The following REPS2 variants were observed in gnomAD, a reference collection of about 807,000 sequenced individuals.
REPS2 encodes ralBP1-associated Eps domain-containing protein 2.
In REPS2, 23 loss-of-function variants were observed where a neutral mutation model predicts 53.6. That is an observed-to-expected ratio of 0.43 (90% confidence interval 0.31 to 0.61). The LOEUF is 0.61. Among genes scored for constraint, REPS2 ranks in the 20% least tolerant of loss-of-function variants. The probability of loss-of-function intolerance (pLI) is 0.11; values close to 1 mark genes in which losing one functional copy is unlikely to be tolerated. For synonymous variants in REPS2, 238 were observed against 218.6 expected (o/e 1.09, Z -0.78); for missense variants, 446 against 534.9 (o/e 0.83, Z 1.64).
At chrX:17,133,982 C>T in intron 15 of REPS2, 75 bp downstream of exon 15, 1 of 744,218 alleles carries the variant, frequency 1.3e-6, no homozygotes, top group Admixed American at 2.3e-5. Flanking sequence ...ATTAGCTGAT[C>T]TATTGTTTTA....
At chrX:16,965,649 C>T (rs1248973172) in intron 1 of REPS2, among the ~76,000 whole-genome samples, 1 of 112,672 alleles carries the variant, frequency 8.9e-6, no homozygotes, top group Non-Finnish European at 1.9e-5. Context: ...AGAGACGCTC[C>T]TCACTTCCCA....
chrX:17,060,748 G>A (rs2062148257), intron 8 of REPS2, among the ~76,000 whole-genome samples: 1 of 111,179 alleles, frequency 9.0e-6, no homozygotes, highest in South Asian at 3.8e-4. Flanking sequence ...CAGAACCGGG[G>A]TAGAGAGGCT....
chrX:16,969,091 C>T (rs1242411236), intron 1 of REPS2, among the ~76,000 whole-genome samples: 4 of 106,755 alleles, frequency 3.7e-5, no homozygotes, highest in East Asian at 3.0e-4. Context: ...CCGGATGGGG[C>T]GGCAGGGCAG....
At chrX:17,133,613 A>G (rs1398709774) in intron 14 of REPS2, among the ~76,000 whole-genome samples, 1 of 111,442 alleles carries the variant, frequency 9.0e-6, no homozygotes, top group Non-Finnish European at 1.9e-5. Flanking sequence ...TCCTTTTCCT[A>G]AGGTTGAACA....
chrX:17,046,071 C>T (rs888530107), intron 5 of REPS2, among the ~76,000 whole-genome samples: 7 of 110,330 alleles, frequency 6.3e-5, no homozygotes, highest in Middle Eastern at 4.7e-3. Flanking sequence ...AAGCAGGCAC[C>T]TTGATGGCTC....
chrX:17,099,922 A>C (rs1603016130), intron 13 of REPS2: 4 of 1,098,084 alleles, frequency 3.6e-6, no homozygotes. Flanking sequence ...TTCATCAGGA[A>C]CATGAGCTCT....
chrX:17,018,111 C>T (rs767106360), intron 2 of REPS2, among the ~76,000 whole-genome samples: 3 of 111,120 alleles, frequency 2.7e-5, no homozygotes, highest in Admixed American at 9.6e-5. Flanking sequence ...TGTTGGGTAA[C>T]TAGTTTCTAG....
At chrX:17,128,419 G>A (rs892607869) in intron 14 of REPS2, among the ~76,000 whole-genome samples, 1 of 110,352 alleles carries the variant, frequency 9.1e-6, no homozygotes, top group Non-Finnish European at 1.9e-5. Flanking sequence ...GGGGTGGGAG[G>A]TAGGCTCCCA....
chrX:17,189,644 C>T, the REPS2 span, among the ~76,000 whole-genome samples: 1 of 103,444 alleles, frequency 9.7e-6, no homozygotes, highest in Non-Finnish European at 2.0e-5. Context: ...ATTTTCCTCT[C>T]TCTCCTCTCT....
chrX:17,011,463 G>T (rs1257822328), intron 2 of REPS2, among the ~76,000 whole-genome samples: 9 of 111,771 alleles, frequency 8.1e-5, no homozygotes, highest in African/African-American at 1.6e-4. Flanking sequence ...CTAGAGTAGG[G>T]TTTCTCATCA....
Position 17,149,218 on chromosome X carries a change from C to T in REPS2, c.*1737C>T. 1 of 221,752 alleles carries T rather than the reference C, an allele frequency of 4.5e-6. No homozygotes were observed. The highest frequency in any genetic ancestry group is 8.4e-6 in the Non-Finnish European group (1 of 119,408). The allele number at this position is 221,752 out of a possible 1,213,427, so 18.3% of individuals were successfully genotyped here. A position where few individuals can be genotyped will look rare whatever the true frequency, so the allele number is the denominator to read the frequency against. On this transcript the variant is annotated 3_prime_UTR_variant, in exon 18 of 18. Coordinates refer to ENST00000357277, the MANE Select transcript of REPS2 (RefSeq NM_004726.3). ...GGTTGGGAGTAAGTTTAAACTCTTC[C>T]GAAGATTATGAATGGGTCAGCACAA...
intron 1 of REPS2, among the ~76,000 whole-genome samples, chrX:16,983,491 ATTTTGTTTTG>A (rs755219921): frequency 1.8e-5 from 2 of 111,653 alleles, no homozygotes; most frequent in East Asian, 2.8e-4. Flanking sequence ...CCTTACCTCC[ATTTTGTTTTG>A]TTTTGTTTTG....
chrX:17,129,263 A>G (rs2063260560), intron 14 of REPS2, among the ~76,000 whole-genome samples: 1 of 112,432 alleles, frequency 8.9e-6, no homozygotes, highest in Non-Finnish European at 1.9e-5. Context: ...TCTGCTTTCC[A>G]CATCCCAAGC....
rs1569079259 is a variant in REPS2, at chrX:16,946,762, C to CGGTGGT, written c.-98_-97insTGGTGG. 24 of 750,485 alleles carry CGGTGGT rather than the reference C, an allele frequency of 3.2e-5. No homozygotes were observed. Among genetic ancestry groups the CGGTGGT allele is most frequent in the African/African-American group, 4.9e-5 (2 of 40,920 alleles). 61.8% of individuals were successfully genotyped at this position (750,485 alleles called of 1,213,427 possible). ...GTGGCGGCGGCGGTGGTGGCGGCGG[C>CGGTGGT]GGCGGCGGCGGCAGCTGAGGCCGAG... On this transcript the variant is annotated 5_prime_UTR_variant, in exon 1 of 18. Coordinates refer to ENST00000357277, the MANE Select transcript of REPS2 (RefSeq NM_004726.3).
rs769478604 is a variant in REPS2 at position 17,151,752 on chromosome X, G to A, written c.*4271G>A. On this transcript the variant is annotated 3_prime_UTR_variant, in exon 18 of 18. Transcript: ENST00000357277. ...GAGGTGTTTTCCCACTGTGTTTAAA[G>A]AGAACACTAGTAATTCTGGTTTTTC... 7 of 112,422 alleles carry A rather than the reference G, an allele frequency of 6.2e-5. No homozygotes were observed. Among genetic ancestry groups the A allele is most frequent in the Non-Finnish European group, 1.3e-4 (7 of 53,248 alleles). The allele number at this position is 112,422 out of a possible 1,213,427, so 9.3% of individuals were successfully genotyped here. A position where few individuals can be genotyped will look rare whatever the true frequency, so the allele number is the denominator to read the frequency against.
At chrX:16,995,613 C>A (rs2061224922) in intron 1 of REPS2, among the ~76,000 whole-genome samples, 1 of 111,902 alleles carries the variant, frequency 8.9e-6, no homozygotes, top group Non-Finnish European at 1.9e-5. Flanking sequence ...TTCACACACC[C>A]CAACCAGATT....
chrX:17,085,128 GACTATTAATT>G (rs1482432962), intron 13 of REPS2, among the ~76,000 whole-genome samples: 1 of 111,982 alleles, frequency 8.9e-6, no homozygotes, highest in Non-Finnish European at 1.9e-5. Context: ...TTGTTGAAAA[GACTATTAATT>G]ATCCATTTAA....
chrX:17,006,376 C>G (rs1019081976), intron 2 of REPS2, 32 bp downstream of exon 2: 4 of 1,160,389 alleles, frequency 3.4e-6, no homozygotes, highest in Non-Finnish European at 4.6e-6. Context: ...GTTTTATTGT[C>G]CATGGCGAGT....
chrX:17,105,319 G>A (rs1177081727), intron 14 of REPS2, among the ~76,000 whole-genome samples: 1 of 112,122 alleles, frequency 8.9e-6, no homozygotes, highest in Non-Finnish European at 1.9e-5. Flanking sequence ...AACAAAATGA[G>A]CAGGCATTTG....
Sources: allele counts gnomAD v4.1 joint callset (sites outside exome capture counted in the v4.1 genomes callset), GRCh38; gene constraint gnomAD v4.1.1; transcripts MANE v1.5; gene names NCBI Gene and HGNC (gene_info 2026-07-23, HGNC 2026-07-21).